Variants in NOTCH2NLR observed in about 807,000 individuals in gnomAD.
NOTCH2NLR encodes notch 2 N-terminal like R (pseudogene).
A neutral mutation model predicts 35.6 loss-of-function variants in NOTCH2NLR; 33 were observed. The ratio of observed to expected loss-of-function variants is 0.93; its 90% CI spans 0.70 to 1.24. The LOEUF (loss-of-function observed/expected upper bound fraction) is 1.24, where lower values mean the gene tolerates loss of function less well. Among genes scored for constraint, NOTCH2NLR ranks in the 50% most tolerant of loss-of-function variants. The probability of loss-of-function intolerance (pLI) is 0.00; values close to 1 mark genes in which losing one functional copy is unlikely to be tolerated. For missense variants in NOTCH2NLR, 276 were observed against 362.2 expected (o/e 0.76, Z 1.93); for synonymous variants, 103 against 141.0 (o/e 0.73, Z 1.91).
Position 120,751,630 on chromosome 1 carries a change from T to TCTTTC in NOTCH2NLR, c.74-11977_74-11973dup, listed in dbSNP as rs1325355267. Among the ~76,000 whole-genome samples the TCTTTC allele has an allele frequency of 2.6e-3, 153 of 59,658 alleles. 47 individuals are homozygous for TCTTTC. The highest frequency in any genetic ancestry group is 0.016 in the South Asian group (38 of 2,440). 39.1% of individuals were successfully genotyped at this position (59,658 alleles called of 152,430 possible). On this transcript the variant is annotated intron_variant, in intron 1 of 4. Coordinates refer to ENST00000624419, the Ensembl canonical transcript of NOTCH2NLR. ...CGCTTGCTCTTTCTCTCTTCCCTTT[T>TCTTTC]CTTTCCTTTCCTTTCCTTTCCTTTC...
chr1:120,724,146 C>A (rs1238513848), exon 1 of NOTCH2NLR: 1 of 1,364,290 alleles, frequency 7.3e-7, no homozygotes, highest in Non-Finnish European at 9.5e-7. Flanking sequence ...GCGGCGGCGG[C>A]GGCGGAGGAG....
Position 120,755,933 on chromosome 1 carries a change from CTTT to C in NOTCH2NLR, c.74-7675_74-7673del, listed in dbSNP as rs1168463033. ...AACAAAATCGATTTATCTCTTATTG[CTTT>C]TTTTTTTTTTTTTTTTTTTCCTTTC... On this transcript the variant is annotated intron_variant, in intron 1 of 4. Transcript: ENST00000624419. Among the ~76,000 whole-genome samples the C allele has an allele frequency of 8.0e-5, 7 of 87,300 alleles. 2 individuals carry two copies. The highest frequency in any genetic ancestry group is 4.6e-4 in the African/African-American group (6 of 13,118). The allele number at this position is 87,300 out of a possible 152,430, so 57.3% of individuals were successfully genotyped here.
At position 120,727,341 on chromosome 1, in the gene NOTCH2NLR, G is replaced by C. The variant is rs1313367458; in HGVS notation, c.73+3091G>C. The stretch of plus-strand genomic sequence containing the variant: ...GTGTATGAGGTCTTTCTAAATTTAA[G>C]AAATTTCCATAACAAATGTAACCTT... On this transcript the variant is annotated intron_variant, in intron 1 of 4. Coordinates refer to ENST00000624419, the Ensembl canonical transcript of NOTCH2NLR. Among the ~76,000 whole-genome samples, 5 of 110,448 alleles carry C rather than the reference G, an allele frequency of 4.5e-5. 1 individual carries two copies. Among genetic ancestry groups the C allele is most frequent in the African/African-American group, 2.8e-4 (5 of 18,076 alleles). The allele number at this position is 110,448 out of a possible 152,430, so 72.5% of individuals were successfully genotyped here.
At position 120,724,240 on chromosome 1, in the gene NOTCH2NLR, C is replaced by G; in HGVS notation, c.63C>G (p.Ala21=). 2 of 1,402,250 alleles carry G rather than the reference C, an allele frequency of 1.4e-6. 1 individual carries two copies. Among genetic ancestry groups the G allele is most frequent in the Admixed American group, 4.2e-5 (2 of 47,938 alleles). The allele number at this position is 1,402,250 out of a possible 1,614,324, so 86.9% of individuals were successfully genotyped here. ...TGGCGCTCTGGCTGTGCTGGGCGGC[C>G]CCCGCGCATGGTGAGTATCGGGCTG... The change falls in exon 1 of 5, where the codon GCC becomes GCG. Residue 21 remains alanine, a synonymous_variant. Coordinates refer to ENST00000624419, the Ensembl canonical transcript of NOTCH2NLR.
rs1651437937 is a variant in NOTCH2NLR at position 120,787,837 on chromosome 1, TA to T, written c.415+2605del. On this transcript the variant is annotated intron_variant, in intron 3 of 4. Coordinates refer to ENST00000624419, the Ensembl canonical transcript of NOTCH2NLR. Reference sequence around the variant, plus strand: ...AAGGAGAAAGGAAATAAAATGAAGATATTTTCTTAGTACAAGTGTGTGCAAG... The same window carrying T: ...AAGGAGAAAGGAAATAAAATGAAGATTTTTCTTAGTACAAGTGTGTGCAAG... Among the ~76,000 whole-genome samples the T allele has an allele frequency of 2.9e-5, 2 of 68,046 alleles. 1 individual carries two copies. Among genetic ancestry groups the T allele is most frequent in the South Asian group, 9.3e-4 (2 of 2,150 alleles). 44.6% of individuals were successfully genotyped at this position (68,046 alleles called of 152,430 possible). A position where few individuals can be genotyped will look rare whatever the true frequency, so the allele number is the denominator to read the frequency against.
At chr1:120,737,799 C>T (rs1276111079) in intron 1 of NOTCH2NLR, among the ~76,000 whole-genome samples, 1 of 120,640 alleles carries the variant, frequency 8.3e-6, no homozygotes, top group Non-Finnish European at 1.7e-5. Context: ...TATATTTTAA[C>T]ATTTGTTTCC....
At position 120,779,682 on chromosome 1, in the gene NOTCH2NLR, A is replaced by C. The variant is rs1188707942; in HGVS notation, c.156-5292A>C. ...GTGTGCTGGGTAGCTTAATGGAATT[A>C]TAGATATGTAAGGGGTGTTGGGTGT... On this transcript the variant is annotated intron_variant, in intron 2 of 4. Transcript: ENST00000624419. Among the ~76,000 whole-genome samples, 4 of 122,744 alleles carry C rather than the reference A, an allele frequency of 3.3e-5. 2 individuals carry two copies. Among genetic ancestry groups the C allele is most frequent in the Non-Finnish European group, 6.6e-5 (4 of 60,496 alleles). The allele number at this position is 122,744 out of a possible 152,430, so 80.5% of individuals were successfully genotyped here.
chr1:120,761,564 TTTTA>T (rs1383471075), intron 1 of NOTCH2NLR, among the ~76,000 whole-genome samples: 1 of 59,170 alleles, frequency 1.7e-5, no homozygotes, highest in Non-Finnish European at 2.9e-5. Context: ...ACTGTGAGGG[TTTTA>T]TTTATTTATT....
intron 1 of NOTCH2NLR, among the ~76,000 whole-genome samples, chr1:120,760,164 TA>T (rs1651118565): frequency 1.5e-5 from 1 of 66,472 alleles, no homozygotes; most frequent in Non-Finnish European, 2.6e-5. Flanking sequence ...TATTCCATTG[TA>T]TATATCTACC....
At chr1:120,724,497 G>T (rs2101333014) in intron 1 of NOTCH2NLR, among the ~76,000 whole-genome samples, 1 of 121,194 alleles carries the variant, frequency 8.3e-6, no homozygotes, top group Non-Finnish European at 1.6e-5. Flanking sequence ...CGCCTCCTCG[G>T]CAGGAGGGAG....
intron 1 of NOTCH2NLR, among the ~76,000 whole-genome samples, chr1:120,752,519 A>ATATATAT (rs1651027767): frequency 1.4e-4 from 2 of 14,662 alleles, no homozygotes; most frequent in African/African-American, 9.3e-4. Flanking sequence ...GAAGTTCAGG[A>ATATATAT]ATATATATAT....
At chr1:120,724,014 C>G in exon 1 of NOTCH2NLR, 1 of 1,232,960 alleles carries the variant, frequency 8.1e-7, no homozygotes, top group Non-Finnish European at 1.0e-6. Context: ...GGAGTCGAGG[C>G]ATTTGCACCT....
At chr1:120,726,850 G>T (rs1472942990) in intron 1 of NOTCH2NLR, among the ~76,000 whole-genome samples, 2 of 105,148 alleles carry the variant, frequency 1.9e-5, no homozygotes, top group Non-Finnish European at 3.5e-5. Flanking sequence ...TAACTTCTTG[G>T]GATCTCTCTG....
rs1423125275 is a variant in NOTCH2NLR, at chr1:120,724,080, G to A, written c.-98G>A. 23 of 1,308,340 alleles carry A rather than the reference G, an allele frequency of 1.8e-5. 9 individuals carry two copies. In the African/African-American group the frequency reaches 6.1e-4, roughly 34 times the overall value. 81.0% of individuals were successfully genotyped at this position (1,308,340 alleles called of 1,614,324 possible). A position where few individuals can be genotyped will look rare whatever the true frequency, so the allele number is the denominator to read the frequency against. ...CCTTTGAAGCAGGAGGAGGGGAGGA[G>A]AGAGTGGGGCTCCTCTATCGGGACC... On this transcript the variant is annotated 5_prime_UTR_variant, in exon 1 of 5. Transcript: ENST00000624419.
chr1:120,723,951 A>T, exon 1 of NOTCH2NLR: 1 of 780,482 alleles, frequency 1.3e-6, no homozygotes, highest in Non-Finnish European at 1.7e-6. Flanking sequence ...TTTCAGCCAA[A>T]CTTCCGGCGG....
rs1431820079 is a variant in NOTCH2NLR, at chr1:120,752,564, TTTTTTTTTTTC to T, written c.74-11053_74-11043del. On this transcript the variant is annotated intron_variant, in intron 1 of 4. Coordinates refer to ENST00000624419, the Ensembl canonical transcript of NOTCH2NLR. ...TATATATATATATATATTTTTTTTT[TTTTTTTTTTTC>T]TTTTTTTTTTTTTCAGGCAGAGTCT... 3.3e-3 allele frequency among the ~76,000 whole-genome samples: 83 copies of T among 25,318 alleles called. 7 individuals are homozygous for T. The highest frequency in any genetic ancestry group is 4.5e-3 in the Non-Finnish European group (72 of 15,994). The allele number at this position is 25,318 out of a possible 152,430, so 16.6% of individuals were successfully genotyped here. A position where few individuals can be genotyped will look rare whatever the true frequency, so the allele number is the denominator to read the frequency against.
intron 1 of NOTCH2NLR, among the ~76,000 whole-genome samples, chr1:120,730,777 C>G (rs1489844031): frequency 2.4e-5 from 1 of 40,884 alleles, no homozygotes; most frequent in Non-Finnish European, 4.0e-5. Context: ...GGTAGGATCA[C>G]TAGCCCTTGG....
chr1:120,785,330 C>T lies in NOTCH2NLR; in HGVS notation c.415+97C>T. 5 of 807,404 alleles carry T rather than the reference C, an allele frequency of 6.2e-6. 1 individual carries two copies. Among genetic ancestry groups the T allele is most frequent in the Non-Finnish European group, 9.6e-6 (5 of 519,372 alleles). 50.0% of individuals were successfully genotyped at this position (807,404 alleles called of 1,614,324 possible). ...TGGTGTCTGGCTCTTAAATGTCCCC[C>T]AGCTCTGGTGCACATTTAACATTAT... On this transcript the variant is annotated intron_variant, in intron 3 of 4. Coordinates refer to ENST00000624419, the Ensembl canonical transcript of NOTCH2NLR.
In NOTCH2NLR at chr1:120,758,201, A is replaced by G. The variant is rs1340799173; in HGVS notation, c.74-5427A>G. ...TGGTGGGGAGTAATACTGGGCAGGT[A>G]AGGTAAGCTCTGATCTGGAAGGCCA... On this transcript the variant is annotated intron_variant, in intron 1 of 4. Coordinates refer to ENST00000624419, the Ensembl canonical transcript of NOTCH2NLR. 2.4e-5 allele frequency among the ~76,000 whole-genome samples: 3 copies of G among 122,696 alleles called. No individual in the cohort carries two copies. The East Asian group carries it at 6.2e-4, about 25-fold the overall frequency. The allele number at this position is 122,696 out of a possible 152,430, so 80.5% of individuals were successfully genotyped here.
Sources: gnomAD v4.1 joint callset for allele counts (sites outside exome capture counted in the v4.1 genomes callset) on GRCh38, gnomAD v4.1.1 for gene constraint, MANE v1.5 for transcripts, NCBI Gene and HGNC (gene_info 2026-07-23, HGNC 2026-07-21) for gene names.